Variants in RALYL observed in about 807,000 individuals in gnomAD.
RALYL encodes the protein RALY RNA binding protein like.
A neutral mutation model predicts 35.1 loss-of-function variants in RALYL; 29 were observed. That is an observed-to-expected ratio of 0.83 (90% CI 0.61 to 1.13). The LOEUF (loss-of-function observed/expected upper bound fraction) is 1.13. Among genes scored for constraint, RALYL ranks in the 50% most tolerant of loss-of-function variants. The pLI is 0.00. For missense variants in RALYL, 359 were observed against 360.4 expected (o/e 1.00, Z 0.03); for synonymous variants, 120 against 127.6 (o/e 0.94, Z 0.40).
intron 1 of RALYL, among the ~76,000 whole-genome samples, chr8:84,269,790 T>C (rs539810953): frequency 6.6e-6 from 1 of 152,260 alleles, no homozygotes; most frequent in Non-Finnish European, 1.5e-5. Flanking sequence ...GGTTCTAATA[T>C]TGTGGATCAT....
At chr8:84,463,624 AT>A (rs1347100804) in intron 1 of RALYL, among the ~76,000 whole-genome samples, 1 of 152,070 alleles carries the variant, frequency 6.6e-6, no homozygotes, top group African/African-American at 2.4e-5. Flanking sequence ...TCAGTAAGTT[AT>A]TTAACTTCTT....
intron 2 of RALYL, among the ~76,000 whole-genome samples, chr8:84,772,844 T>C (rs1329977946): frequency 6.6e-6 from 1 of 152,190 alleles, no homozygotes; most frequent in Non-Finnish European, 1.5e-5. Flanking sequence ...GGACATCTAG[T>C]ACAATATTAT....
intron 1 of RALYL, among the ~76,000 whole-genome samples, chr8:84,242,876 T>TA (rs1285308722): frequency 1.3e-5 from 2 of 152,198 alleles, no homozygotes; most frequent in Non-Finnish European, 2.9e-5. Flanking sequence ...TTGCTCTTGT[T>TA]ACAATTGCTT....
At chr8:84,218,963 A>C (rs1821517103) in intron 1 of RALYL, among the ~76,000 whole-genome samples, 1 of 152,194 alleles carries the variant, frequency 6.6e-6, no homozygotes, top group South Asian at 2.1e-4. Flanking sequence ...AACTTCCCAC[A>C]TCTGAATCAT....
At chr8:84,819,702 G>A (rs1265625895) in intron 4 of RALYL, among the ~76,000 whole-genome samples, 1 of 152,140 alleles carries the variant, frequency 6.6e-6, no homozygotes, top group Non-Finnish European at 1.5e-5. Context: ...TCTCCTTGGG[G>A]AAAAGGAAGC....
intron 1 of RALYL, among the ~76,000 whole-genome samples, chr8:84,287,160 G>A (rs1837778652): frequency 1.3e-5 from 2 of 151,958 alleles, no homozygotes; most frequent in Admixed American, 6.6e-5. Context: ...TCCATGCTTG[G>A]GAGTAGGGGT....
intron 2 of RALYL, among the ~76,000 whole-genome samples, chr8:84,749,469 TAGG>T (rs1258145203): frequency 2.0e-5 from 3 of 152,196 alleles, no homozygotes; most frequent in South Asian, 2.1e-4. Flanking sequence ...CATTTTCTCT[TAGG>T]AGAAGTCACC....
At chr8:84,454,927 G>T (rs1009408275) in intron 1 of RALYL, among the ~76,000 whole-genome samples, 2 of 152,046 alleles carry the variant, frequency 1.3e-5, no homozygotes, top group African/African-American at 4.8e-5. Flanking sequence ...GAAATTAGAA[G>T]TAGAGAATAC....
chr8:84,523,496 GTTTTTTATTTTTTTAT>G (rs1052880294), intron 1 of RALYL, among the ~76,000 whole-genome samples: 1 of 151,540 alleles, frequency 6.6e-6, no homozygotes, highest in Admixed American at 6.6e-5. Flanking sequence ...TTCTGTTGTT[GTTTTTTATTTTTTTAT>G]TTTTTTATTT....
intron 1 of RALYL, among the ~76,000 whole-genome samples, chr8:84,380,831 C>T (rs1857843951): frequency 6.6e-6 from 1 of 151,762 alleles, no homozygotes; most frequent in Non-Finnish European, 1.5e-5. Flanking sequence ...TTCTACCTGC[C>T]TTGTGGTGGG....
chr8:84,491,057 G>A (rs139013796), intron 1 of RALYL, among the ~76,000 whole-genome samples: 7 of 151,918 alleles, frequency 4.6e-5, no homozygotes, highest in African/African-American at 1.4e-4. Context: ...TGCCCAAAGT[G>A]ACAATAGCTG....
At position 84,529,434 on chromosome 8, in the gene RALYL, T is replaced by C. The variant is rs1588009035; in HGVS notation, c.113T>C (p.Ile38Thr). 9 of 1,613,430 alleles carry C rather than the reference T, an allele frequency of 5.6e-6. No homozygotes were observed. The highest frequency in any genetic ancestry group is 1.3e-5 in the African/African-American group (1 of 74,926). Residue 38 changes from isoleucine (I) to threonine (T), a missense_variant, in exon 2 of 9, where the codon ATT (isoleucine) becomes ACT (threonine). Coordinates refer to ENST00000521268, the MANE Select transcript of RALYL (RefSeq NM_173848.7). ...ACGGCAATTGTCAAGAAAGTTGACATTGAAGCCATTTTTTCAAAGTATGGA... is the reference window on the plus strand; with the variant it reads ...ACGGCAATTGTCAAGAAAGTTGACACTGAAGCCATTTTTTCAAAGTATGGA... ...LNTAIVKKVD[I>T]EAIFSKYGKI... is the part of the protein sequence containing the mutation.
chr8:84,595,110 C>A (rs1814175461), intron 2 of RALYL, among the ~76,000 whole-genome samples: 1 of 151,990 alleles, frequency 6.6e-6, no homozygotes, highest in Non-Finnish European at 1.5e-5. Context: ...ACTGAGTCAC[C>A]CTTAGAACAT....
At chr8:84,493,491 C>T (rs1242325922) in intron 1 of RALYL, among the ~76,000 whole-genome samples, 2 of 152,126 alleles carry the variant, frequency 1.3e-5, no homozygotes, top group Non-Finnish European at 2.9e-5. Flanking sequence ...GGAATTGCCA[C>T]ACTGTCTTCC....
At chr8:84,846,492 G>T (rs1044572102) in intron 4 of RALYL, among the ~76,000 whole-genome samples, 2 of 151,958 alleles carry the variant, frequency 1.3e-5, no homozygotes, top group African/African-American at 4.8e-5. Flanking sequence ...ATTTTTCTTT[G>T]CCAGATTTTG....
chr8:84,740,173 G>A (rs73300119), intron 2 of RALYL, among the ~76,000 whole-genome samples: 40,668 of 151,696 alleles, frequency 0.27, 5,742 homozygotes, highest in African/African-American at 0.34. Context: ...AGTTTTCTGC[G>A]TTATACTTCG....
intron 2 of RALYL, among the ~76,000 whole-genome samples, chr8:84,669,414 G>A (rs756936521): frequency 1.4e-4 from 21 of 150,836 alleles, no homozygotes; most frequent in Admixed American, 2.7e-4. Flanking sequence ...TTGTTACATG[G>A]GTATATTGCA....
At chr8:84,865,806 CT>C (rs1839076290) in intron 6 of RALYL, among the ~76,000 whole-genome samples, 1 of 152,138 alleles carries the variant, frequency 6.6e-6, no homozygotes, top group Non-Finnish European at 1.5e-5. Flanking sequence ...GTTTGAATGC[CT>C]TTGGGGACCT....
chr8:84,873,034 C>T, intron 6 of RALYL: 1 of 342,512 alleles, frequency 2.9e-6, no homozygotes. Flanking sequence ...TTCCGTTATC[C>T]ATTTCCATAA....
Sources: gnomAD v4.1 joint callset for allele counts (sites outside exome capture counted in the v4.1 genomes callset) on GRCh38, gnomAD v4.1.1 for gene constraint, MANE v1.5 for transcripts, NCBI Gene and HGNC (gene_info 2026-07-23, HGNC 2026-07-21) for gene names.